The following B4GALT6 variants were observed in gnomAD, a reference collection of about 807,000 sequenced individuals.
The protein encoded by B4GALT6 is UDP-Gal:beta-GlcNAc beta-1,4-galactosyltransferase 6.
Under a neutral mutation model 46.3 loss-of-function variants are expected in B4GALT6, and 14 were observed. The observed-to-expected ratio is 0.30, with a 90% confidence interval of 0.20 to 0.47. The LOEUF is 0.47. Among genes scored for constraint, B4GALT6 ranks in the 20% least tolerant of loss-of-function variants. The probability of loss-of-function intolerance (pLI) is 0.99; values close to 1 mark genes in which losing one functional copy is unlikely to be tolerated. For synonymous variants in B4GALT6, 168 were observed against 162.0 expected, an observed-to-expected ratio of 1.04 and a Z score of -0.28; for missense variants, 386 against 480.1, an observed-to-expected ratio of 0.80 and a Z score of 1.83.
upstream of B4GALT6, among the ~76,000 whole-genome samples, chr18:31,688,808 G>A (rs2030015608): frequency 6.7e-6 from 1 of 149,168 alleles, no homozygotes; most frequent in Non-Finnish European, 1.5e-5. Context: ...AGGTAGCAGA[G>A]CTGGGAAGAA....
intron 2 of B4GALT6, among the ~76,000 whole-genome samples, chr18:31,664,255 A>G (rs907631116): frequency 1.3e-5 from 2 of 152,184 alleles, no homozygotes; most frequent in African/African-American, 4.8e-5. Context: ...AGGAGCCTCC[A>G]TAACAGCCAC....
At chr18:31,721,910 G>T in the B4GALT6 span, among the ~76,000 whole-genome samples, 2 of 151,990 alleles carry the variant, frequency 1.3e-5, no homozygotes, top group Non-Finnish European at 2.9e-5. Context: ...GTGTGTATGT[G>T]TGTATGTGGG....
At chr18:31,719,841 G>C in the B4GALT6 span, among the ~76,000 whole-genome samples, 1 of 152,136 alleles carries the variant, frequency 6.6e-6, no homozygotes, top group Admixed American at 6.5e-5. Flanking sequence ...CAGTCTGGGT[G>C]GTGTCAGCTG....
chr18:31,657,701 G>A (rs949295623), intron 3 of B4GALT6, among the ~76,000 whole-genome samples: 1 of 152,172 alleles, frequency 6.6e-6, no homozygotes, highest in Non-Finnish European at 1.5e-5. Flanking sequence ...ACATAGGTAA[G>A]CCGAAGTATT....
At chr18:31,724,598 G>A in the B4GALT6 span, 2 of 1,064,776 alleles carry the variant, frequency 1.9e-6, no homozygotes, top group Non-Finnish European at 2.3e-6. Context: ...CAGCTGGAGA[G>A]CTGCCCCGGG....
At chr18:31,704,810 A>G in the B4GALT6 span, among the ~76,000 whole-genome samples, 1 of 152,222 alleles carries the variant, frequency 6.6e-6, no homozygotes, top group Non-Finnish European at 1.5e-5. Context: ...ATAACCAACT[A>G]GAGTAAGTGG....
intron 3 of B4GALT6, among the ~76,000 whole-genome samples, chr18:31,651,037 A>G (rs1039191797): frequency 1.3e-5 from 2 of 152,168 alleles, no homozygotes; most frequent in Non-Finnish European, 2.9e-5. Context: ...AAGTGCTGGG[A>G]TTACAGGCGT....
At chr18:31,691,471 A>G in the B4GALT6 span, among the ~76,000 whole-genome samples, 3 of 151,772 alleles carry the variant, frequency 2.0e-5, no homozygotes, top group African/African-American at 7.3e-5. Flanking sequence ...ATATAGATGA[A>G]AGATAGTATA....
intron 1 of B4GALT6, among the ~76,000 whole-genome samples, chr18:31,680,839 G>GC (rs1433983362): frequency 1.3e-5 from 2 of 152,162 alleles, no homozygotes; most frequent in Admixed American, 1.3e-4. Flanking sequence ...TCAAAACCTG[G>GC]CCCATGTGCC....
intron 4 of B4GALT6, among the ~76,000 whole-genome samples, chr18:31,641,466 A>G (rs2144563691): frequency 6.6e-6 from 1 of 152,358 alleles, no homozygotes; most frequent in East Asian, 1.9e-4. Context: ...CAATATCTTA[A>G]AAGTTCATCT....
chr18:31,685,432 G>C (rs904253651), upstream of B4GALT6, among the ~76,000 whole-genome samples: 3 of 151,418 alleles, frequency 2.0e-5, no homozygotes, highest in East Asian at 2.0e-4. Flanking sequence ...GGAACGTCTC[G>C]AGACCCCTGC....
intron 3 of B4GALT6, among the ~76,000 whole-genome samples, chr18:31,656,942 G>A (rs916420199): frequency 1.3e-5 from 2 of 152,164 alleles, no homozygotes; most frequent in Non-Finnish European, 2.9e-5. Context: ...AAACCCACCA[G>A]GAATGAGGGA....
the B4GALT6 span, among the ~76,000 whole-genome samples, chr18:31,695,612 A>G: frequency 6.6e-6 from 1 of 152,264 alleles, no homozygotes; most frequent in Non-Finnish European, 1.5e-5. Context: ...ACTGATGTGC[A>G]ATGAGAGGCA....
the B4GALT6 span, among the ~76,000 whole-genome samples, chr18:31,715,717 A>T: frequency 2.1e-5 from 3 of 144,598 alleles, no homozygotes; most frequent in African/African-American, 5.1e-5. Flanking sequence ...CACCTGGCTA[A>T]TTTTTTTTTT....
the B4GALT6 span, among the ~76,000 whole-genome samples, chr18:31,696,873 C>T: frequency 1.3e-5 from 2 of 152,178 alleles, no homozygotes; most frequent in African/African-American, 4.8e-5. Context: ...TTTGCCCTCA[C>T]TACTAATGAT....
chr18:31,674,468 A>G (rs2074393679), intron 1 of B4GALT6, among the ~76,000 whole-genome samples: 1 of 152,224 alleles, frequency 6.6e-6, no homozygotes, highest in African/African-American at 2.4e-5. Context: ...AGAGAAAATG[A>G]TTTCCCATAT....
the B4GALT6 span, among the ~76,000 whole-genome samples, chr18:31,723,054 A>G: frequency 2.3e-4 from 35 of 152,250 alleles, no homozygotes; most frequent in African/African-American, 8.4e-4. Context: ...CTGAATAATG[A>G]AATATGAAAA....
chr18:31,723,999 G>A, the B4GALT6 span, among the ~76,000 whole-genome samples: 3 of 141,206 alleles, frequency 2.1e-5, no homozygotes, highest in Admixed American at 7.0e-5. Context: ...TCTTGGGACC[G>A]CAGACCCCGC....
intron 1 of B4GALT6, among the ~76,000 whole-genome samples, chr18:31,671,974 T>C (rs2074362163): frequency 6.6e-6 from 1 of 152,258 alleles, no homozygotes; most frequent in Non-Finnish European, 1.5e-5. Context: ...CCAGGCATTC[T>C]ATCCTGAGTT....
Sources: allele counts gnomAD v4.1 joint callset (sites outside exome capture counted in the v4.1 genomes callset), GRCh38; gene constraint gnomAD v4.1.1; transcripts MANE v1.5; gene names NCBI Gene and HGNC (gene_info 2026-07-23, HGNC 2026-07-21).